STAU2: variants seen among roughly 807,000 people sequenced by gnomAD.
The protein encoded by STAU2 is double-stranded RNA-binding protein Staufen homolog 2.
STAU2 carries 20 observed loss-of-function variants against 65.9 expected under a neutral mutation model. The ratio of observed to expected loss-of-function variants is 0.30; its 90% confidence interval spans 0.21 to 0.44. The LOEUF is 0.44. Among genes scored for constraint, STAU2 ranks in the 20% least tolerant of loss-of-function variants. The pLI, the probability that STAU2 is intolerant of heterozygous loss-of-function variation, is 1.00. For synonymous variants in STAU2, 232 were observed against 233.9 expected (o/e 0.99, Z 0.07); for missense variants, 558 against 683.9 (o/e 0.82, Z 2.05).
At chr8:73,627,137 CCTGT>C (rs1415568337) in intron 6 of STAU2, among the ~76,000 whole-genome samples, 4 of 145,958 alleles carry the variant, frequency 2.7e-5, no homozygotes, top group Admixed American at 7.2e-5. Context: ...CTGCAGCAGG[CCTGT>C]CTGAGAGGTA....
chr8:73,604,520 A>G (rs1451946962), intron 9 of STAU2, among the ~76,000 whole-genome samples: 13 of 152,122 alleles, frequency 8.5e-5, no homozygotes, highest in Admixed American at 8.5e-4. Context: ...TGTGAGCCGC[A>G]GCACCCGGCC....
intron 13 of STAU2, among the ~76,000 whole-genome samples, chr8:73,471,205 C>T (rs1819990382): frequency 7.0e-6 from 1 of 141,924 alleles, no homozygotes; most frequent in South Asian, 2.2e-4. Context: ...CAGAGTCTCA[C>T]TCTGTTGCCC....
intron 5 of STAU2, among the ~76,000 whole-genome samples, chr8:73,680,294 C>T (rs937120702): frequency 2.0e-5 from 3 of 152,092 alleles, no homozygotes; most frequent in South Asian, 2.1e-4. Flanking sequence ...AGGGCAAATG[C>T]TTTTTCTGCA....
intron 6 of STAU2, among the ~76,000 whole-genome samples, chr8:73,637,855 A>T (rs1292527949): frequency 6.6e-6 from 1 of 152,100 alleles, no homozygotes; most frequent in African/African-American, 2.4e-5. Context: ...GGAAGTTATG[A>T]TCTATATAAA....
At chr8:73,725,888 G>A (rs897943455) in intron 3 of STAU2, among the ~76,000 whole-genome samples, 3 of 152,104 alleles carry the variant, frequency 2.0e-5, no homozygotes, top group African/African-American at 4.8e-5. Flanking sequence ...AGCCATCATC[G>A]TGCCACTGCA....
chr8:73,448,242 C>T (rs4738361), intron 13 of STAU2, among the ~76,000 whole-genome samples: 82,201 of 151,912 alleles, frequency 0.54, 22,894 homozygotes, highest in African/African-American at 0.64. Context: ...GGGTCAGGGA[C>T]CATTTTGGGA....
chr8:73,735,845 A>G (rs144294265), intron 3 of STAU2, among the ~76,000 whole-genome samples: 4 of 152,290 alleles, frequency 2.6e-5, no homozygotes, highest in Non-Finnish European at 5.9e-5. Flanking sequence ...ATAAACTATA[A>G]TTTTCAATGA....
At chr8:73,622,249 C>T (rs2129938732) in intron 6 of STAU2, among the ~76,000 whole-genome samples, 1 of 119,312 alleles carries the variant, frequency 8.4e-6, no homozygotes, top group South Asian at 2.9e-4. Context: ...GCCTCAGCCT[C>T]CCGAGTAGCT....
chr8:73,716,692 T>A (rs1472296835), intron 3 of STAU2, among the ~76,000 whole-genome samples: 1 of 152,258 alleles, frequency 6.6e-6, no homozygotes, highest in Non-Finnish European at 1.5e-5. Flanking sequence ...GTCATCTGTA[T>A]CTCCTGTGGT....
intron 12 of STAU2, chr8:73,561,412 T>G (rs1808218006): frequency 2.6e-6 from 1 of 386,480 alleles, no homozygotes; most frequent in African/African-American, 2.1e-5. Flanking sequence ...TGAGAGCACC[T>G]TGTGAGGATA....
At chr8:73,432,708 C>T (rs964595264) in intron 13 of STAU2, among the ~76,000 whole-genome samples, 6 of 152,170 alleles carry the variant, frequency 3.9e-5, no homozygotes, top group African/African-American at 1.2e-4. Context: ...GCCCTGTTTT[C>T]TAATAATTTC....
intron 6 of STAU2, among the ~76,000 whole-genome samples, chr8:73,642,685 A>C (rs1187085720): frequency 6.6e-6 from 1 of 152,214 alleles, no homozygotes; most frequent in East Asian, 1.9e-4. Context: ...AAGCTAATAA[A>C]GATGAAACTA....
intron 13 of STAU2, among the ~76,000 whole-genome samples, chr8:73,441,991 T>C (rs1308701602): frequency 1.3e-5 from 2 of 152,264 alleles, no homozygotes; most frequent in South Asian, 4.1e-4. Context: ...GTAAACGATA[T>C]CTTCTTTTAG....
intron 3 of STAU2, among the ~76,000 whole-genome samples, chr8:73,716,542 C>T (rs1404383178): frequency 8.5e-5 from 13 of 152,220 alleles, no homozygotes; most frequent in Non-Finnish European, 1.6e-4. Flanking sequence ...GACAAAAACA[C>T]AGTGTGTCCT....
At chr8:73,570,929 T>A (rs56026135) in intron 12 of STAU2, among the ~76,000 whole-genome samples, 1 of 151,960 alleles carries the variant, frequency 6.6e-6, no homozygotes, top group Non-Finnish European at 1.5e-5. Context: ...GGCTAAATGC[T>A]CCAATTAAAA....
At chr8:73,698,552 G>C (rs565198020) in intron 4 of STAU2, among the ~76,000 whole-genome samples, 1 of 152,034 alleles carries the variant, frequency 6.6e-6, no homozygotes, top group East Asian at 1.9e-4. Flanking sequence ...TGTAAGGAGA[G>C]ACAAAAAAGG....
chr8:73,475,751 G>T (rs890649795), intron 13 of STAU2, among the ~76,000 whole-genome samples: 3 of 152,200 alleles, frequency 2.0e-5, no homozygotes, highest in African/African-American at 7.2e-5. Context: ...TCAGGAATCT[G>T]ATACCCAAAG....
intron 13 of STAU2, among the ~76,000 whole-genome samples, chr8:73,537,116 T>C (rs1024029610): frequency 1.6e-4 from 24 of 152,014 alleles, no homozygotes; most frequent in African/African-American, 4.6e-4. Context: ...AAGGGCTTCA[T>C]AGCAAAATGG....
At chr8:73,642,314 G>A (rs1815049454) in intron 6 of STAU2, among the ~76,000 whole-genome samples, 1 of 152,086 alleles carries the variant, frequency 6.6e-6, no homozygotes, top group Non-Finnish European at 1.5e-5. Flanking sequence ...CATGAGGTCA[G>A]GAGATCAAGA....
Sources: gnomAD v4.1 joint callset for allele counts (sites outside exome capture counted in the v4.1 genomes callset) on GRCh38, gnomAD v4.1.1 for gene constraint, MANE v1.5 for transcripts, NCBI Gene and HGNC (gene_info 2026-07-23, HGNC 2026-07-21) for gene names.